The following THSD7B variants were observed in gnomAD, a reference collection of about 807,000 sequenced individuals.
THSD7B encodes thrombospondin type-1 domain-containing protein 7B.
A neutral mutation model predicts 213.6 loss-of-function variants in THSD7B; 138 were observed. The observed-to-expected ratio is 0.65, with a 90% CI of 0.56 to 0.74. The LOEUF is 0.74. THSD7B is among the 30% of genes least tolerant of loss of function. The probability of loss-of-function intolerance (pLI) is 0.00; values close to 1 mark genes in which losing one functional copy is unlikely to be tolerated. For missense variants in THSD7B, 1,931 were observed against 1,991.5 expected, an observed-to-expected ratio of 0.97 and a Z score of 0.58; for synonymous variants, 742 against 687.0, an observed-to-expected ratio of 1.08 and a Z score of -1.25.
intron 15 of THSD7B, among the ~76,000 whole-genome samples, chr2:137,483,792 T>C (rs1688360778): frequency 6.6e-6 from 1 of 152,016 alleles, no homozygotes; most frequent in Non-Finnish European, 1.5e-5. Flanking sequence ...CAGGAAGCAG[T>C]GTGTTGTCAG....
intron 21 of THSD7B, among the ~76,000 whole-genome samples, chr2:137,655,254 A>G (rs1172590571): frequency 1.3e-5 from 2 of 152,198 alleles, no homozygotes; most frequent in African/African-American, 4.8e-5. Flanking sequence ...CTGAGTTCCA[A>G]AATGAATTGT....
chr2:137,659,909 G>A (rs368766928), intron 25 of THSD7B, among the ~76,000 whole-genome samples, 163 bp downstream of exon 25: 23 of 152,300 alleles, frequency 1.5e-4, no homozygotes, highest in South Asian at 1.2e-3. Context: ...AGAATTTCTC[G>A]TCAGGACCAT....
chr2:137,272,779 A>G (rs954160701), intron 11 of THSD7B, 117 bp downstream of exon 11: 29 of 1,055,410 alleles, frequency 2.7e-5, no homozygotes, highest in African/African-American at 8.2e-5. Flanking sequence ...TGACATTTAC[A>G]TATCTTCAAA....
intron 10 of THSD7B, among the ~76,000 whole-genome samples, chr2:137,263,524 C>T (rs1018782334): frequency 6.6e-6 from 1 of 152,098 alleles, no homozygotes; most frequent in Non-Finnish European, 1.5e-5. Context: ...GCTTCTGTTG[C>T]AAAATGAATG....
intron 1 of THSD7B, among the ~76,000 whole-genome samples, chr2:136,827,587 C>T (rs1351398402): frequency 6.6e-6 from 1 of 152,116 alleles, no homozygotes; most frequent in East Asian, 1.9e-4. Context: ...GCAGAAAGAA[C>T]CTCCCAGCTT....
At chr2:136,888,730 ACATC>A (rs1346694921) in intron 2 of THSD7B, among the ~76,000 whole-genome samples, 1 of 152,106 alleles carries the variant, frequency 6.6e-6, no homozygotes, top group African/African-American at 2.4e-5. Context: ...GGTCAGAAAA[ACATC>A]CATCTTACCT....
intron 14 of THSD7B, among the ~76,000 whole-genome samples, chr2:137,426,775 C>G (rs1284271670): frequency 3.3e-5 from 5 of 151,942 alleles, no homozygotes; most frequent in Non-Finnish European, 7.4e-5. Context: ...CCAAAAATAC[C>G]AGCAACAAAA....
chr2:137,233,639 G>A (rs1364933876), intron 9 of THSD7B, among the ~76,000 whole-genome samples: 2 of 152,146 alleles, frequency 1.3e-5, no homozygotes, highest in Non-Finnish European at 2.9e-5. Flanking sequence ...TATACTCTAT[G>A]TACATGGAGA....
At chr2:136,865,418 T>G (rs571599963) in intron 1 of THSD7B, among the ~76,000 whole-genome samples, 6 of 152,204 alleles carry the variant, frequency 3.9e-5, no homozygotes, top group African/African-American at 1.4e-4. Context: ...TGTCCTAATA[T>G]TTGGACTGGG....
chr2:136,933,128 CTT>C (rs1684661012), intron 2 of THSD7B, among the ~76,000 whole-genome samples: 4 of 56,998 alleles, frequency 7.0e-5, no homozygotes, highest in African/African-American at 1.5e-4. Context: ...TCCTTCCTTC[CTT>C]CCTTCCTTCC....
At chr2:137,594,394 T>A (rs1458143738) in intron 17 of THSD7B, among the ~76,000 whole-genome samples, 3 of 152,034 alleles carry the variant, frequency 2.0e-5, no homozygotes, top group Non-Finnish European at 4.4e-5. Flanking sequence ...GAGAAATTGG[T>A]ACACAGAACT....
chr2:137,618,890 G>A (rs1020362387), intron 19 of THSD7B, among the ~76,000 whole-genome samples: 3 of 152,146 alleles, frequency 2.0e-5, no homozygotes, highest in Admixed American at 1.3e-4. Flanking sequence ...CATAGAAGAC[G>A]AACATGGACA....
intron 2 of THSD7B, among the ~76,000 whole-genome samples, chr2:137,020,782 G>A (rs752884996): frequency 3.3e-5 from 5 of 152,090 alleles, no homozygotes; most frequent in Non-Finnish European, 5.9e-5. Context: ...GCAGGGCATC[G>A]ACTTTTTTGT....
chr2:137,107,176 G>A (rs1688270607), intron 4 of THSD7B, among the ~76,000 whole-genome samples: 1 of 152,190 alleles, frequency 6.6e-6, no homozygotes, highest in Non-Finnish European at 1.5e-5. Context: ...ACAAAATGTA[G>A]CACATATACA....
chr2:136,960,087 G>A (rs1474316977), intron 2 of THSD7B, among the ~76,000 whole-genome samples: 1 of 152,090 alleles, frequency 6.6e-6, no homozygotes, highest in South Asian at 2.1e-4. Flanking sequence ...TCTTGTAATG[G>A]ATTCAGCTGG....
At chr2:137,494,152 T>C (rs1679505592) in intron 15 of THSD7B, among the ~76,000 whole-genome samples, 1 of 152,224 alleles carries the variant, frequency 6.6e-6, no homozygotes, top group African/African-American at 2.4e-5. Flanking sequence ...ATCTTTCCTG[T>C]GGAAAATAGC....
At chr2:137,105,426 A>G (rs1334133443) in intron 4 of THSD7B, among the ~76,000 whole-genome samples, 1 of 152,190 alleles carries the variant, frequency 6.6e-6, no homozygotes, top group Non-Finnish European at 1.5e-5. Flanking sequence ...AGAGCTATTT[A>G]TTACAAACCC....
chr2:137,228,611 A>C (rs978298344), intron 7 of THSD7B, among the ~76,000 whole-genome samples: 1 of 152,130 alleles, frequency 6.6e-6, no homozygotes, highest in East Asian at 1.9e-4. Context: ...GTATTTTCCT[A>C]CCTAACCTTT....
chr2:137,025,067 C>T (rs1686521535), intron 2 of THSD7B, among the ~76,000 whole-genome samples: 1 of 152,136 alleles, frequency 6.6e-6, no homozygotes, highest in Non-Finnish European at 1.5e-5. Context: ...CCCATCCGTA[C>T]CAGTCTTCTG....
Sources: allele counts gnomAD v4.1 joint callset (sites outside exome capture counted in the v4.1 genomes callset), GRCh38; gene constraint gnomAD v4.1.1; transcripts MANE v1.5; gene names NCBI Gene and HGNC (gene_info 2026-07-23, HGNC 2026-07-21).